The following MCPH1 variants were observed in gnomAD, a reference collection of about 807,000 sequenced individuals.
The protein encoded by MCPH1 is microcephalin.
Under a neutral mutation model 84.5 loss-of-function variants are expected in MCPH1, and 104 were observed. The observed-to-expected ratio is 1.23, with a 90% CI of 1.05 to 1.45. The LOEUF is 1.45. Ranked by LOEUF, MCPH1 falls within the 40% of genes most tolerant of loss-of-function variation. The pLI is 0.00. For missense variants in MCPH1, 1,498 were observed against 1,005.7 expected (o/e 1.49, Z -6.62); for synonymous variants, 514 against 366.8 (o/e 1.40, Z -4.58).
At chr8:6,547,887 T>A (rs1822897340) in intron 12 of MCPH1, among the ~76,000 whole-genome samples, 2 of 126,850 alleles carry the variant, frequency 1.6e-5, no homozygotes, top group Admixed American at 1.5e-4. Context: ...TTACCCCCAT[T>A]TTTTTTTTTT....
intron 12 of MCPH1, among the ~76,000 whole-genome samples, chr8:6,528,910 C>G (rs1355492905): frequency 3.3e-5 from 5 of 152,188 alleles, no homozygotes; most frequent in African/African-American, 1.2e-4. Context: ...GAATAAAGTC[C>G]TTGGCCAACG....
intron 12 of MCPH1, among the ~76,000 whole-genome samples, chr8:6,574,558 A>G (rs1390630247): frequency 6.6e-6 from 1 of 152,264 alleles, no homozygotes; most frequent in Non-Finnish European, 1.5e-5. Flanking sequence ...ATGAAAGTAA[A>G]ATTTTGAAAA....
At chr8:6,634,824 A>G (rs751580175) in intron 13 of MCPH1, 41 of 152,230 alleles carry the variant, frequency 2.7e-4, no homozygotes, top group Non-Finnish European at 4.8e-4. Flanking sequence ...TGACTTCATT[A>G]GTTGAGCCTG....
At chr8:6,477,533 TG>T in intron 9 of MCPH1, 60 bp from the exon 10 acceptor site, 1 of 1,464,620 alleles carries the variant, frequency 6.8e-7, no homozygotes. Flanking sequence ...TTTATTTCTG[TG>T]GGAAAAATAT....
At position 6,487,280 on chromosome 8, in the gene MCPH1, T is replaced by C. The variant is rs548797658; in HGVS notation, c.2136+6404T>C. ...CATGATGACTATTTTCTTGAGATAA[T>C]GTGATCCACATTGAACTTAGTAAGC... On this transcript the variant is annotated intron_variant, in intron 11 of 13. Transcript: ENST00000344683. Among the ~76,000 whole-genome samples, 3 of 152,360 alleles carry C rather than the reference T, an allele frequency of 2.0e-5. No individual in the cohort carries two copies. In the East Asian group the frequency reaches 5.8e-4, roughly 29 times the overall value.
chr8:6,534,393 G>T (rs1339459246), intron 12 of MCPH1, among the ~76,000 whole-genome samples: 1 of 152,134 alleles, frequency 6.6e-6, no homozygotes, highest in Non-Finnish European at 1.5e-5. Context: ...CTTGAGCACC[G>T]TGGATTTTGG....
At chr8:6,641,843 T>C (rs1313229980) in intron 13 of MCPH1, among the ~76,000 whole-genome samples, 1 of 152,256 alleles carries the variant, frequency 6.6e-6, no homozygotes, top group Non-Finnish European at 1.5e-5. Context: ...TATAATTATA[T>C]ACAATGTTTT....
chr8:6,430,262 A>T (rs76334636), intron 3 of MCPH1, among the ~76,000 whole-genome samples: 3,933 of 152,306 alleles, frequency 0.026, 85 homozygotes, highest in Middle Eastern at 0.1. Context: ...GATTTCTCTG[A>T]TGCCTGGCTT....
Position 6,442,121 on chromosome 8 carries a change from C to T in MCPH1, c.635C>T (p.Ala212Val), listed in dbSNP as rs1261251320. ...HDNPSNSLCE[A>V]PLNISRDTLC... Reference sequence around the variant, plus strand: ...AATCCAAGTAACTCTCTGTGTGAAGCACCTTTGAACATTTCACGTGATACT... The same window carrying T: ...AATCCAAGTAACTCTCTGTGTGAAGTACCTTTGAACATTTCACGTGATACT... The change falls in exon 7 of 14, where the codon GCA becomes GTA. Residue 212 changes from alanine to valine, a missense_variant. Coordinates refer to ENST00000344683, the MANE Select transcript of MCPH1 (RefSeq NM_024596.5). 1.9e-6 allele frequency: 3 copies of T among 1,612,926 alleles called. No homozygotes were observed. The highest frequency in any genetic ancestry group is 1.3e-5 in the African/African-American group (1 of 75,000).
chr8:6,459,007 T>G (rs9644412), intron 9 of MCPH1, among the ~76,000 whole-genome samples: 1 of 152,168 alleles, frequency 6.6e-6, no homozygotes, highest in Non-Finnish European at 1.5e-5. Flanking sequence ...GATATGAGCA[T>G]GGGGAGAGAA....
intron 13 of MCPH1, among the ~76,000 whole-genome samples, chr8:6,629,263 G>A (rs1312154391): frequency 6.6e-6 from 1 of 152,210 alleles, no homozygotes; most frequent in Non-Finnish European, 1.5e-5. Context: ...AGGAGTTTGG[G>A]ACCAGTGTGT....
At chr8:6,526,887 T>A (rs1818444585) in intron 12 of MCPH1, among the ~76,000 whole-genome samples, 1 of 152,208 alleles carries the variant, frequency 6.6e-6, no homozygotes, top group Non-Finnish European at 1.5e-5. Context: ...TACAATTTTT[T>A]TTCTATTGTT....
intron 12 of MCPH1, among the ~76,000 whole-genome samples, chr8:6,619,550 C>T (rs1162815500): frequency 6.6e-6 from 1 of 152,074 alleles, no homozygotes; most frequent in Non-Finnish European, 1.5e-5. Context: ...CTCAGCCTCC[C>T]CAAGTGCTGG....
chr8:6,523,659 A>G (rs1817778389), intron 12 of MCPH1, among the ~76,000 whole-genome samples: 1 of 152,050 alleles, frequency 6.6e-6, no homozygotes, highest in Admixed American at 6.5e-5. Flanking sequence ...GCGCGATCTC[A>G]GCTCGCTGCA....
intron 9 of MCPH1, among the ~76,000 whole-genome samples, chr8:6,460,201 C>T (rs75413153): frequency 6.6e-5 from 10 of 152,016 alleles, no homozygotes; most frequent in Non-Finnish European, 1.5e-4. Flanking sequence ...TTCTATAGCC[C>T]ATGTCTCATG....
At chr8:6,480,296 T>G (rs1809032721) in intron 10 of MCPH1, among the ~76,000 whole-genome samples, 1 of 152,082 alleles carries the variant, frequency 6.6e-6, no homozygotes, top group African/African-American at 2.4e-5. Flanking sequence ...GGCTAATTTT[T>G]GTAGTTTTTA....
intron 11 of MCPH1, among the ~76,000 whole-genome samples, chr8:6,493,251 T>C (rs1810853300): frequency 6.6e-6 from 1 of 152,222 alleles, no homozygotes; most frequent in East Asian, 1.9e-4. Flanking sequence ...TACTGAGCAG[T>C]TAAGCCTTAA....
chr8:6,520,662 C>A (rs1817147354), intron 12 of MCPH1, among the ~76,000 whole-genome samples: 1 of 152,186 alleles, frequency 6.6e-6, no homozygotes, highest in Non-Finnish European at 1.5e-5. Flanking sequence ...TCCCAAAGTG[C>A]TGCAATTAGA....
chr8:6,529,119 G>T lies in MCPH1; in HGVS notation c.2214+29190G>T, dbSNP rs1818952355. 2.0e-5 allele frequency among the ~76,000 whole-genome samples: 3 copies of T among 152,208 alleles called. No individual in the cohort carries two copies. In the South Asian group the frequency reaches 6.2e-4, roughly 31 times the overall value. On this transcript the variant is annotated intron_variant, in intron 12 of 13. Coordinates refer to ENST00000344683, the MANE Select transcript of MCPH1 (RefSeq NM_024596.5). ...TGGCATATAAGTCATGATTGGCCCAGTAGTAATTGTAACCATTTTCACATC... is the reference window on the plus strand; with the variant it reads ...TGGCATATAAGTCATGATTGGCCCATTAGTAATTGTAACCATTTTCACATC...
Sources: gnomAD v4.1 joint callset for allele counts (sites outside exome capture counted in the v4.1 genomes callset) on GRCh38, gnomAD v4.1.1 for gene constraint, MANE v1.5 for transcripts, NCBI Gene and HGNC (gene_info 2026-07-23, HGNC 2026-07-21) for gene names.